Variants in ARHGAP42 observed in about 807,000 individuals in gnomAD.
ARHGAP42 encodes rho GTPase-activating protein 42.
ARHGAP42 carries 63 observed loss-of-function variants against 125.0 expected under a neutral mutation model. The observed-to-expected ratio is 0.50, with a 90% CI of 0.41 to 0.62. The LOEUF is 0.62. ARHGAP42 is among the 20% of genes least tolerant of loss of function. The pLI is 0.00. For missense variants in ARHGAP42, 766 were observed against 1,024.2 expected, an observed-to-expected ratio of 0.75 and a Z score of 3.44; for synonymous variants, 339 against 351.0, an observed-to-expected ratio of 0.97 and a Z score of 0.38.
intron 3 of ARHGAP42, among the ~76,000 whole-genome samples, chr11:100,802,912 T>C (rs1397164368): frequency 6.6e-6 from 1 of 152,212 alleles, no homozygotes; most frequent in Non-Finnish European, 1.5e-5. Context: ...TCATCCCACA[T>C]ATCTCCCCTG....
chr11:100,717,364 G>A (rs1480158875), intron 1 of ARHGAP42, among the ~76,000 whole-genome samples: 2 of 152,128 alleles, frequency 1.3e-5, no homozygotes, highest in African/African-American at 2.4e-5. Context: ...TAGGCCGGGC[G>A]CGGTGGCTCA....
intron 1 of ARHGAP42, among the ~76,000 whole-genome samples, chr11:100,749,023 ACT>A (rs762016375): frequency 7.0e-6 from 1 of 141,900 alleles, no homozygotes; most frequent in Non-Finnish European, 1.5e-5. Context: ...TTTCTCTTTG[ACT>A]CTCTGTCTCT....
intron 22 of ARHGAP42, among the ~76,000 whole-genome samples, 200 bp from the exon 23 acceptor site, chr11:100,987,313 G>A (rs1412006683): frequency 6.6e-6 from 1 of 152,180 alleles, no homozygotes; most frequent in Admixed American, 6.5e-5. Flanking sequence ...TTTCTAGTGT[G>A]CTAGTAATCC....
chr11:100,885,820 A>G (rs1792211454), intron 4 of ARHGAP42, among the ~76,000 whole-genome samples: 1 of 152,200 alleles, frequency 6.6e-6, no homozygotes, highest in Non-Finnish European at 1.5e-5. Flanking sequence ...AAATAAGATG[A>G]CCAAAATGAA....
At chr11:100,783,756 AG>A (rs1236129830) in intron 2 of ARHGAP42, among the ~76,000 whole-genome samples, 9 of 152,228 alleles carry the variant, frequency 5.9e-5, no homozygotes, top group Non-Finnish European at 1.2e-4. Flanking sequence ...AAAAGAAAAC[AG>A]CTTTCAAATC....
chr11:100,934,380 GA>G (rs1029404121), intron 7 of ARHGAP42, among the ~76,000 whole-genome samples: 1 of 147,788 alleles, frequency 6.8e-6, no homozygotes, highest in Non-Finnish European at 1.5e-5. Context: ...CGTCTAACCT[GA>G]AAAAAAAATA....
At chr11:100,852,136 C>T (rs1339008952) in intron 3 of ARHGAP42, among the ~76,000 whole-genome samples, 1 of 152,126 alleles carries the variant, frequency 6.6e-6, no homozygotes, top group Non-Finnish European at 1.5e-5. Context: ...TCCCTCTTCT[C>T]TCCTGTCCTC....
intron 12 of ARHGAP42, among the ~76,000 whole-genome samples, chr11:100,956,075 C>T (rs965051840): frequency 6.6e-6 from 1 of 152,126 alleles, no homozygotes; most frequent in Admixed American, 6.6e-5. Context: ...AGTGAAGGCG[C>T]TGTCTATAGT....
intron 4 of ARHGAP42, among the ~76,000 whole-genome samples, chr11:100,884,632 G>A (rs187361439): frequency 6.6e-6 from 1 of 152,136 alleles, no homozygotes; most frequent in East Asian, 1.9e-4. Flanking sequence ...GAGCTTCGTG[G>A]CACATTTCCT....
chr11:100,723,016 G>A (rs1233437661), intron 1 of ARHGAP42, among the ~76,000 whole-genome samples: 5 of 152,162 alleles, frequency 3.3e-5, no homozygotes, highest in East Asian at 1.9e-4. Flanking sequence ...TATTTTGCTT[G>A]TGGATGTCGT....
intron 17 of ARHGAP42, among the ~76,000 whole-genome samples, chr11:100,967,994 T>A (rs961764210): frequency 1.3e-5 from 2 of 152,212 alleles, no homozygotes; most frequent in East Asian, 3.9e-4. Flanking sequence ...AGTACTGGGA[T>A]TACAGGCATG....
At chr11:100,919,907 T>C (rs1867187067) in intron 5 of ARHGAP42, among the ~76,000 whole-genome samples, 1 of 152,182 alleles carries the variant, frequency 6.6e-6, no homozygotes, top group Admixed American at 6.5e-5. Flanking sequence ...TTGGTGATAT[T>C]TGTACCACAG....
At chr11:100,793,601 T>G (rs1398866227) in intron 2 of ARHGAP42, among the ~76,000 whole-genome samples, 7 of 152,242 alleles carry the variant, frequency 4.6e-5, no homozygotes, top group Non-Finnish European at 1.0e-4. Flanking sequence ...TTTTTAATTC[T>G]TAAATGGAAA....
chr11:100,906,246 G>T (rs781358087), intron 4 of ARHGAP42, among the ~76,000 whole-genome samples: 1 of 152,138 alleles, frequency 6.6e-6, no homozygotes, highest in African/African-American at 2.4e-5. Flanking sequence ...TACAGAAGCA[G>T]TAGAATTTTT....
rs559162362 is a variant in ARHGAP42, at chr11:100,896,976, T to C, written c.385-16476T>C. Among the ~76,000 whole-genome samples the C allele has an allele frequency of 1.3e-4, 20 of 152,356 alleles. No individual in the cohort carries two copies. In the South Asian group the frequency reaches 3.9e-3, roughly 30 times the overall value. Reference sequence around the variant, plus strand: ...TCTAGGGATTTTATGGTTTTAGGTCTAACATTTAAGTCTTTAATCCATCTT... The same window carrying C: ...TCTAGGGATTTTATGGTTTTAGGTCCAACATTTAAGTCTTTAATCCATCTT... On this transcript the variant is annotated intron_variant, in intron 4 of 23. Transcript: ENST00000298815.
At chr11:100,953,861 A>C (rs907707897) in intron 12 of ARHGAP42, among the ~76,000 whole-genome samples, 9 of 152,288 alleles carry the variant, frequency 5.9e-5, no homozygotes, top group Non-Finnish European at 1.3e-4. Flanking sequence ...TGTAGTAGTA[A>C]TATCTATCAT....
chr11:100,873,611 A>C (rs1464204171), intron 4 of ARHGAP42, among the ~76,000 whole-genome samples: 1 of 152,248 alleles, frequency 6.6e-6, no homozygotes, highest in East Asian at 1.9e-4. Context: ...TTGTTTAATA[A>C]TAATGAAGAT....
intron 8 of ARHGAP42, among the ~76,000 whole-genome samples, chr11:100,936,818 C>T (rs1867750222): frequency 6.6e-6 from 1 of 152,102 alleles, no homozygotes. Context: ...CAATAGAGCA[C>T]TATTATAATT....
chr11:100,961,771 G>A lies in ARHGAP42; in HGVS notation c.1385+3G>A. 1 of 1,550,988 alleles carries A rather than the reference G, an allele frequency of 6.4e-7. No homozygotes were observed. The highest frequency in any genetic ancestry group is 8.7e-7 in the Non-Finnish European group (1 of 1,146,260). On this transcript the variant is annotated splice_donor_region_variant and intron_variant, in intron 15 of 23. Transcript: ENST00000298815. ...AGTGGGCTGAAAAACTACCTCAGGT[G>A]AGGAGGGTTTAACTCCTGGTACTCT...
Sources: gnomAD v4.1 joint callset for allele counts (sites outside exome capture counted in the v4.1 genomes callset) on GRCh38, gnomAD v4.1.1 for gene constraint, MANE v1.5 for transcripts, NCBI Gene and HGNC (gene_info 2026-07-23, HGNC 2026-07-21) for gene names.